GRHL3: variants seen among roughly 807,000 people sequenced by gnomAD.
GRHL3 encodes the protein grainyhead like transcription factor 3, also known as grainyhead-like protein 3 homolog.
In GRHL3, 20 loss-of-function variants were observed where a neutral mutation model predicts 70.3. The observed-to-expected ratio is 0.28, with a 90% confidence interval of 0.20 to 0.41. The LOEUF (loss-of-function observed/expected upper bound fraction) is 0.41. GRHL3 is among the 10% of genes least tolerant of loss of function. GRHL3 has a pLI of 1.00. For synonymous variants in GRHL3, 299 were observed against 299.9 expected, an observed-to-expected ratio of 1.00 and a Z score of 0.03; for missense variants, 637 against 762.3, an observed-to-expected ratio of 0.84 and a Z score of 1.94.
At chr1:24,328,388 G>C (rs763454974) in intron 1 of GRHL3, among the ~76,000 whole-genome samples, 12 of 152,234 alleles carry the variant, frequency 7.9e-5, no homozygotes, top group Non-Finnish European at 2.9e-5. Flanking sequence ...ATGGCACTAT[G>C]TTTGCCAGTG....
intron 1 of GRHL3, among the ~76,000 whole-genome samples, chr1:24,329,683 C>T (rs1294544824): frequency 1.3e-5 from 2 of 152,200 alleles, no homozygotes; most frequent in Non-Finnish European, 2.9e-5. Flanking sequence ...AGAGAACATT[C>T]ATATGCATTA....
intron 8 of GRHL3, among the ~76,000 whole-genome samples, chr1:24,340,542 A>G (rs999587391): frequency 2.0e-5 from 3 of 152,196 alleles, no homozygotes; most frequent in Non-Finnish European, 4.4e-5. Flanking sequence ...GAGAGCCAGC[A>G]TGGTGGAGAG....
intron 1 of GRHL3, chr1:24,323,247 G>A (rs190429309): frequency 7.5e-6 from 5 of 668,808 alleles, no homozygotes; most frequent in East Asian, 2.7e-5. Context: ...ACTGTGGTCC[G>A]TGGACCATCA....
downstream of GRHL3, among the ~76,000 whole-genome samples, chr1:24,359,166 G>A (rs914730541): frequency 6.6e-6 from 1 of 152,200 alleles, no homozygotes; most frequent in African/African-American, 2.4e-5. This position sits in a 1 kb window ranked among gnomAD's most constrained non-coding sequence, Gnocchi z 5.3. Flanking sequence ...AGGTATACCT[G>A]AGTTTACTGG....
At chr1:24,361,529 TC>T (rs950575324) in intron 15 of GRHL3, among the ~76,000 whole-genome samples, 3 of 152,032 alleles carry the variant, frequency 2.0e-5, no homozygotes, top group South Asian at 4.1e-4. Context: ...GAAAGAAGCA[TC>T]CCACATTCCA....
chr1:24,359,061 A>G (rs1640917054), downstream of GRHL3, among the ~76,000 whole-genome samples: 1 of 152,082 alleles, frequency 6.6e-6, no homozygotes, highest in African/African-American at 2.4e-5. This position sits in a 1 kb window ranked among gnomAD's most constrained non-coding sequence, Gnocchi z 5.3. Flanking sequence ...GTGACCAGAA[A>G]CTCATGTTGA....
chr1:24,338,643 G>A (rs992830770), intron 7 of GRHL3, among the ~76,000 whole-genome samples: 1 of 152,202 alleles, frequency 6.6e-6, no homozygotes, highest in African/African-American at 2.4e-5. Flanking sequence ...TCTCAAATGG[G>A]CTGAGGCCAG....
chr1:24,331,995 G>A (rs998156633), intron 2 of GRHL3, among the ~76,000 whole-genome samples: 2 of 152,164 alleles, frequency 1.3e-5, no homozygotes, highest in African/African-American at 4.8e-5. Context: ...CATACAGCCT[G>A]CCACACAGTC....
intron 12 of GRHL3, among the ~76,000 whole-genome samples, chr1:24,346,127 C>T (rs145102398): frequency 1.1e-4 from 16 of 151,820 alleles, no homozygotes; most frequent in East Asian, 5.8e-4. Context: ...TCCACCCCCC[C>T]ACCCCGCCTC....
At chr1:24,355,888 T>C (rs1016812375), downstream of GRHL3, among the ~76,000 whole-genome samples, 17 of 111,962 alleles carry the variant, frequency 1.5e-4, no homozygotes, top group Non-Finnish European at 3.3e-4. Context: ...CTTGCTTTCT[T>C]TTCATTTATC....
chr1:24,361,859 G>A (rs778357961), intron 15 of GRHL3, among the ~76,000 whole-genome samples: 6 of 152,164 alleles, frequency 3.9e-5, no homozygotes, highest in African/African-American at 7.2e-5. Flanking sequence ...AAAAGGAAGG[G>A]GTTGGACAAG....
chr1:24,353,846 CCCT>C (rs146542825), intron 15 of GRHL3, among the ~76,000 whole-genome samples: 5,051 of 152,164 alleles, frequency 0.033, 210 homozygotes, highest in African/African-American at 0.097. Flanking sequence ...TGGGCCTAGC[CCCT>C]CAAGTCTATC....
chr1:24,335,248 G>A (rs1412972688), intron 3 of GRHL3, among the ~76,000 whole-genome samples: 1 of 152,204 alleles, frequency 6.6e-6, no homozygotes, highest in Non-Finnish European at 1.5e-5. Context: ...CCTGTGTTGG[G>A]GGAGGGACAT....
At chr1:24,332,169 C>G (rs1639638487) in intron 2 of GRHL3, among the ~76,000 whole-genome samples, 1 of 152,316 alleles carries the variant, frequency 6.6e-6, no homozygotes, top group South Asian at 2.1e-4. Flanking sequence ...AGCCCCACCA[C>G]CTGGAGTATA....
intron 1 of GRHL3, among the ~76,000 whole-genome samples, chr1:24,326,039 C>T (rs962936269): frequency 2.6e-5 from 4 of 152,200 alleles, no homozygotes; most frequent in African/African-American, 9.7e-5. Context: ...TGAGGACAGT[C>T]ATAACTTCCC....
intron 15 of GRHL3, among the ~76,000 whole-genome samples, chr1:24,363,611 G>C (rs1298589308): frequency 6.6e-6 from 1 of 152,118 alleles, no homozygotes; most frequent in African/African-American, 2.4e-5. Context: ...TACCCAGATT[G>C]TTAGGAAGAT....
chr1:24,352,592 A>C (rs957539701), intron 15 of GRHL3, among the ~76,000 whole-genome samples: 2 of 152,188 alleles, frequency 1.3e-5, no homozygotes, highest in Admixed American at 1.3e-4. Flanking sequence ...GTGTGAGCTC[A>C]GGGCGCTGGA....
rs943055495 is a variant in GRHL3 at position 24,342,668 on chromosome 1, T to C, written c.1207-26T>C. 3.1e-6 allele frequency: 5 copies of C among 1,608,754 alleles called. No homozygotes were observed. Among genetic ancestry groups the C allele is most frequent in the Non-Finnish European group, 4.3e-6 (5 of 1,175,232 alleles). On this transcript the variant is annotated intron_variant, in intron 9 of 15. Coordinates refer to ENST00000361548, the MANE Select transcript of GRHL3 (RefSeq NM_198173.3). This position sits in a 1 kb window ranked among gnomAD's most constrained non-coding sequence, Gnocchi z 4.8. ...TAGCTAGCCCCTCCCAGGCCCTTGG[T>C]GACCCTCTCTCCTTCTCCCCTGCAG...
chr1:24,360,180 C>T (rs977007060), downstream of GRHL3, among the ~76,000 whole-genome samples: 27 of 152,212 alleles, frequency 1.8e-4, no homozygotes, highest in African/African-American at 6.0e-4. Flanking sequence ...CACAGTGGCT[C>T]ACGCCTGTAA....
Sources: allele counts gnomAD v4.1 joint callset (sites outside exome capture counted in the v4.1 genomes callset), GRCh38; gene constraint gnomAD v4.1.1; non-coding constraint Gnocchi (gnomAD v3.1); transcripts MANE v1.5; gene names NCBI Gene and HGNC (gene_info 2026-07-23, HGNC 2026-07-21).